The following MEIKIN variants were observed in gnomAD, a reference collection of about 807,000 sequenced individuals.
MEIKIN encodes the protein meiosis-specific kinetochore protein.
At chr5:131,853,369 G>A (rs187014049) in intron 10 of MEIKIN, among the ~76,000 whole-genome samples, 69 of 152,264 alleles carry the variant, frequency 4.5e-4, no homozygotes, top group African/African-American at 1.3e-3. Flanking sequence ...TATGTAAGCC[G>A]CTGCATGGAC....
At position 131,848,754 on chromosome 5, in the gene MEIKIN, T is replaced by C. The variant is rs140709618; in HGVS notation, c.975+2510A>G. On this transcript the variant is annotated intron_variant, in intron 11 of 12. Transcript: ENST00000442687. ...CTACAGGCCAATATCCACTAGAACATTGAAGAAAAATCCTCAACAAATTAC... is the reference window on the plus strand; with the variant it reads ...CTACAGGCCAATATCCACTAGAACACTGAAGAAAAATCCTCAACAAATTAC... 3.3e-3 allele frequency among the ~76,000 whole-genome samples: 503 copies of C among 152,278 alleles called. 3 individuals are homozygous for C. Among genetic ancestry groups the C allele is most frequent in the African/African-American group, 0.011 (465 of 41,568 alleles).
intron 11 of MEIKIN, among the ~76,000 whole-genome samples, chr5:131,830,120 T>A (rs973855992): frequency 1.3e-5 from 2 of 152,196 alleles, no homozygotes; most frequent in African/African-American, 4.8e-5. Flanking sequence ...CTGGGCACAG[T>A]GACTCATCCC....
chr5:131,844,977 G>A (rs1190516592), intron 11 of MEIKIN, among the ~76,000 whole-genome samples: 1 of 152,142 alleles, frequency 6.6e-6, no homozygotes, highest in Non-Finnish European at 1.5e-5. Context: ...AATTACAAAA[G>A]ATGCCAAAGT....
At chr5:131,840,821 T>C (rs1008310636) in intron 11 of MEIKIN, among the ~76,000 whole-genome samples, 2 of 152,216 alleles carry the variant, frequency 1.3e-5, no homozygotes, top group African/African-American at 4.8e-5. Context: ...TCTTCATTCT[T>C]ATCCATATTC....
chr5:131,875,309 A>C (rs1375195556), intron 9 of MEIKIN, among the ~76,000 whole-genome samples: 2 of 152,220 alleles, frequency 1.3e-5, no homozygotes, highest in African/African-American at 4.8e-5. Flanking sequence ...CAAGATACAA[A>C]ATCAATGTAC....
chr5:131,929,212 G>C (rs1014216619), intron 5 of MEIKIN, among the ~76,000 whole-genome samples: 17 of 152,134 alleles, frequency 1.1e-4, no homozygotes, highest in Non-Finnish European at 1.5e-4. Context: ...CTTTTTACTT[G>C]CTGCTTTCAA....
intron 8 of MEIKIN, among the ~76,000 whole-genome samples, chr5:131,879,956 G>A (rs1053772098): frequency 1.2e-4 from 18 of 152,132 alleles, no homozygotes; most frequent in African/African-American, 4.1e-4. Context: ...GTCTCACTCT[G>A]TTCCCCAGGC....
At chr5:131,866,286 C>T (rs1750384075) in intron 9 of MEIKIN, among the ~76,000 whole-genome samples, 1 of 152,152 alleles carries the variant, frequency 6.6e-6, no homozygotes, top group Non-Finnish European at 1.5e-5. Flanking sequence ...GGGAAGAGTG[C>T]TCAGGTGCAA....
chr5:131,917,298 G>A (rs2149646006), intron 6 of MEIKIN, among the ~76,000 whole-genome samples: 1 of 152,172 alleles, frequency 6.6e-6, no homozygotes, highest in East Asian at 1.9e-4. Context: ...GGGCACAGTG[G>A]TTCACGCCTG....
rs190598509 is a variant in MEIKIN, at chr5:131,930,201, G to T, written c.478+3312C>A. ...CAATCTCACAAACACATTATTTTTT[G>T]ACTTTTTAATAATAGCCACCTTGAC... On this transcript the variant is annotated intron_variant, in intron 5 of 12. Coordinates refer to ENST00000442687, the MANE Select transcript of MEIKIN (RefSeq NM_001303622.2). Among the ~76,000 whole-genome samples the T allele has an allele frequency of 3.4e-3, 514 of 152,132 alleles. 4 individuals are homozygous for T. The highest frequency in any genetic ancestry group is 0.012 in the African/African-American group (489 of 41,520).
intron 10 of MEIKIN, among the ~76,000 whole-genome samples, chr5:131,853,398 C>T (rs1251382323): frequency 6.6e-6 from 1 of 152,148 alleles, no homozygotes; most frequent in East Asian, 1.9e-4. Flanking sequence ...GGATTGCTCA[C>T]ACTGAAGAGG....
intron 4 of MEIKIN, among the ~76,000 whole-genome samples, chr5:131,938,009 G>C (rs551669832): frequency 2.6e-5 from 4 of 151,770 alleles, no homozygotes; most frequent in Admixed American, 2.0e-4. Flanking sequence ...CTAGCTTTGC[G>C]TGTTTAATAA....
At chr5:131,920,631 G>A (rs1353528367) in intron 6 of MEIKIN, among the ~76,000 whole-genome samples, 1 of 151,762 alleles carries the variant, frequency 6.6e-6, no homozygotes, top group Non-Finnish European at 1.5e-5. Flanking sequence ...CCTTTGATAT[G>A]ATATGATACA....
chr5:131,866,433 C>A (rs939424463), intron 9 of MEIKIN, among the ~76,000 whole-genome samples: 1 of 152,142 alleles, frequency 6.6e-6, no homozygotes, highest in Non-Finnish European at 1.5e-5. Flanking sequence ...CATGCAGGGG[C>A]AGAATGACCC....
intron 6 of MEIKIN, among the ~76,000 whole-genome samples, chr5:131,919,116 T>A (rs1751463574): frequency 1.3e-5 from 2 of 151,966 alleles, no homozygotes; most frequent in South Asian, 4.1e-4. Flanking sequence ...CTTAAACATA[T>A]GAAAAATGTT....
chr5:131,871,701 T>A (rs561830241), intron 9 of MEIKIN, among the ~76,000 whole-genome samples: 4 of 152,144 alleles, frequency 2.6e-5, no homozygotes, highest in Non-Finnish European at 5.9e-5. Context: ...GACTGCCTCC[T>A]CAAGTGGGTC....
At chr5:131,845,272 TAAAAAAAAAA>T (rs1158220526) in intron 11 of MEIKIN, among the ~76,000 whole-genome samples, 7 of 45,350 alleles carry the variant, frequency 1.5e-4, no homozygotes, top group African/African-American at 7.0e-4. Context: ...GACTTCGTCT[TAAAAAAAAAA>T]AAAAAAAAAA....
rs1398253090 is a variant in MEIKIN at position 131,847,115 on chromosome 5, A to G, written c.975+4149T>C. 2.6e-5 allele frequency among the ~76,000 whole-genome samples: 4 copies of G among 152,298 alleles called. No individual in the cohort carries two copies. In the East Asian group the frequency reaches 7.7e-4, roughly 29 times the overall value. ...CACTACAAAAAATCAATTAACCACA[A>G]AAGAAGACAGTAATGTAGAAAGTGA... is the stretch of plus-strand genomic sequence containing the variant. On this transcript the variant is annotated intron_variant, in intron 11 of 12. Coordinates refer to ENST00000442687, the MANE Select transcript of MEIKIN (RefSeq NM_001303622.2).
chr5:131,820,510 G>T (rs576035009), intron 11 of MEIKIN, among the ~76,000 whole-genome samples: 1 of 152,226 alleles, frequency 6.6e-6, no homozygotes, highest in East Asian at 1.9e-4. Flanking sequence ...TCTTTCTCTG[G>T]TTTTGGTATC....
Sources: allele counts gnomAD v4.1 joint callset (sites outside exome capture counted in the v4.1 genomes callset), GRCh38; gene constraint gnomAD v4.1.1; transcripts MANE v1.5; gene names NCBI Gene and HGNC (gene_info 2026-07-23, HGNC 2026-07-21).